TNFRSF10A: variants seen among roughly 807,000 people sequenced by gnomAD.
The protein encoded by TNFRSF10A is tumor necrosis factor receptor superfamily member 10A.
TNFRSF10A carries 44 observed loss-of-function variants against 42.8 expected under a neutral mutation model. The observed-to-expected ratio is 1.03, with a 90% confidence interval of 0.81 to 1.32. The LOEUF (loss-of-function observed/expected upper bound fraction) is 1.32, where lower values mean the gene tolerates loss of function less well. Among genes scored for constraint, TNFRSF10A ranks in the 40% most tolerant of loss-of-function variants. TNFRSF10A has a pLI of 0.00. For synonymous variants in TNFRSF10A, 259 were observed against 234.2 expected (o/e 1.11, Z -0.97); for missense variants, 680 against 602.0 (o/e 1.13, Z -1.36).
chr8:23,192,875 G>A (rs1040811974), intron 9 of TNFRSF10A, among the ~76,000 whole-genome samples: 2 of 152,042 alleles, frequency 1.3e-5, no homozygotes, highest in Non-Finnish European at 2.9e-5. Flanking sequence ...ACTTCCTCAG[G>A]AAAGACCTGC....
At chr8:23,224,521 T>G in intron 1 of TNFRSF10A, 1 of 546,894 alleles carries the variant, frequency 1.8e-6, no homozygotes, top group Non-Finnish European at 3.2e-6. Context: ...CGGGGTGGAG[T>G]CCCCGGGCCC....
rs778307119 is a variant in TNFRSF10A at position 23,201,840 on chromosome 8, A to G, written c.597T>C (p.Asn199=). ...QCKPGTFRND[N]SAEMCRKCSR... ...TGCACTTCCGGCACATCTCAGCAGA[A>G]TTGTCATTCCGGAAAGTTCCTGGTT... The change falls in exon 4 of 10, where the codon AAT becomes AAC. Residue 199 remains asparagine (N), a synonymous_variant. Transcript: ENST00000221132. 5 of 1,614,144 alleles carry G rather than the reference A, an allele frequency of 3.1e-6. 1 individual carries two copies. The South Asian group carries it at 5.5e-5, about 18-fold the overall frequency.
At chr8:23,216,985 G>C (rs531375882) in intron 1 of TNFRSF10A, among the ~76,000 whole-genome samples, 1 of 152,154 alleles carries the variant, frequency 6.6e-6, no homozygotes, top group Non-Finnish European at 1.5e-5. Context: ...TCATAGAAGA[G>C]AAGGAATCTC....
chr8:23,196,991 G>T (rs534756535), intron 9 of TNFRSF10A, 141 bp downstream of exon 9: 25 of 1,059,766 alleles, frequency 2.4e-5, no homozygotes, highest in South Asian at 2.0e-4. Context: ...ACAATTTAGG[G>T]TCTTGATGGT....
chr8:23,222,860 T>G lies in TNFRSF10A; in HGVS notation c.306+1896A>C, dbSNP rs565820375. 1.4e-4 allele frequency among the ~76,000 whole-genome samples: 22 copies of G among 151,782 alleles called. No homozygotes were observed. The South Asian group carries it at 4.2e-3, about 29-fold the overall frequency. ...TGAACCTGGCCCCTCCCCGTCTCCC[T>G]TCCGGATCTCATCCCCCTCCTCCTG... On this transcript the variant is annotated intron_variant, in intron 1 of 9. Transcript: ENST00000221132.
chr8:23,194,583 A>C (rs946170527), intron 9 of TNFRSF10A, among the ~76,000 whole-genome samples: 1 of 152,216 alleles, frequency 6.6e-6, no homozygotes. Flanking sequence ...AAAACAGCTG[A>C]GTCTTCTGAC....
chr8:23,213,835 T>G (rs999927303), intron 1 of TNFRSF10A, among the ~76,000 whole-genome samples: 1 of 152,252 alleles, frequency 6.6e-6, no homozygotes, highest in Non-Finnish European at 1.5e-5. Context: ...GCTATCATTT[T>G]CCATTATAAC....
chr8:23,200,960 G>A (rs924565626), intron 4 of TNFRSF10A, among the ~76,000 whole-genome samples, 200 bp from the exon 5 acceptor site: 7 of 152,276 alleles, frequency 4.6e-5, no homozygotes, highest in Middle Eastern at 3.4e-3. Flanking sequence ...TTACCCCCTT[G>A]GCCTCCCTGC....
At chr8:23,206,264 T>A (rs573268743) in intron 2 of TNFRSF10A, among the ~76,000 whole-genome samples, 4 of 152,286 alleles carry the variant, frequency 2.6e-5, no homozygotes, top group African/African-American at 9.6e-5. Flanking sequence ...TTTACAGATT[T>A]GGTGTAGCCT....
intron 2 of TNFRSF10A, among the ~76,000 whole-genome samples, chr8:23,209,595 T>C (rs1033789967): frequency 1.3e-5 from 2 of 152,250 alleles, no homozygotes; most frequent in Non-Finnish European, 2.9e-5. Context: ...GAGATCATTT[T>C]GGAGCTTTAA....
intron 9 of TNFRSF10A, among the ~76,000 whole-genome samples, chr8:23,192,603 C>T (rs1159457407): frequency 6.6e-5 from 10 of 152,180 alleles, no homozygotes; most frequent in African/African-American, 2.4e-4. Flanking sequence ...AAGCACTGCA[C>T]ACCACCATCC....
chr8:23,224,783 C>A lies in TNFRSF10A; in HGVS notation c.279G>T (p.Lys93Asn). ...SPRLRVHKTF[K>N]FVVVGVLLQV... Reference sequence around the variant, plus strand: ...GCAGCAGGACCCCGACGACGACAAACTTGAAGGTCTTGTGGACCCGGAGCC... The same window carrying A: ...GCAGCAGGACCCCGACGACGACAAAATTGAAGGTCTTGTGGACCCGGAGCC... The change falls in exon 1 of 10, where the codon AAG (lysine) becomes AAT (asparagine). Residue 93 changes from lysine (K) to asparagine (N), a missense_variant. Physicochemically the swap from Lys to Asn is moderately conservative, Grantham distance 94. Coordinates refer to ENST00000221132, the MANE Select transcript of TNFRSF10A (RefSeq NM_003844.4). The A allele has an allele frequency of 6.4e-7, 1 of 1,569,444 alleles. No individual in the cohort carries two copies. The highest frequency in any genetic ancestry group is 1.9e-5 in the Admixed American group (1 of 52,580).
chr8:23,202,500 A>AT, intron 3 of TNFRSF10A, 148 bp downstream of exon 3: 1 of 625,178 alleles, frequency 1.6e-6, no homozygotes, highest in Non-Finnish European at 2.9e-6. Flanking sequence ...TTTCTGTTTC[A>AT]TTTTATGGAC....
At chr8:23,198,620 GA>G (rs139347983) in intron 8 of TNFRSF10A, among the ~76,000 whole-genome samples, 1 of 149,942 alleles carries the variant, frequency 6.7e-6, no homozygotes, top group Non-Finnish European at 1.5e-5. Context: ...GCAAAAAAAA[GA>G]AAAAAAAAGA....
chr8:23,195,429 T>C (rs1265798835), intron 9 of TNFRSF10A, among the ~76,000 whole-genome samples: 2 of 152,268 alleles, frequency 1.3e-5, no homozygotes, highest in Non-Finnish European at 2.9e-5. Context: ...TATTTCTCTC[T>C]CTGCCTAATT....
Position 23,224,846 on chromosome 8 carries a change from G to A in TNFRSF10A, c.216C>T (p.Arg72=), listed in dbSNP as rs2128852752. 1.3e-6 allele frequency: 2 copies of A among 1,566,296 alleles called. No individual in the cohort carries two copies. Among genetic ancestry groups the A allele is most frequent in the East Asian group, 2.4e-5 (1 of 42,086 alleles). Residue 72 remains arginine, a synonymous_variant, in exon 1 of 10, where the codon CGC becomes CGT. Transcript: ENST00000221132. ...HGPSARARAG[R]APGPRPAREA... Reference sequence around the variant, plus strand: ...CCCGCGCCGGCCTGGGTCCTGGGGCGCGCCCTGCCCGGGCCCGGGCACTGG... The same window carrying A: ...CCCGCGCCGGCCTGGGTCCTGGGGCACGCCCTGCCCGGGCCCGGGCACTGG...
intron 1 of TNFRSF10A, among the ~76,000 whole-genome samples, chr8:23,215,522 C>G (rs7820585): frequency 1.4e-5 from 1 of 71,054 alleles, no homozygotes; most frequent in East Asian, 3.0e-4. Context: ...AATAGCATAA[C>G]TAAATAAATA....
intron 1 of TNFRSF10A, among the ~76,000 whole-genome samples, chr8:23,213,748 G>A (rs940865727): frequency 6.6e-6 from 1 of 151,558 alleles, no homozygotes; most frequent in Non-Finnish European, 1.5e-5. Flanking sequence ...CCAGCTGTTT[G>A]CTCTTCATTT....
At chr8:23,211,584 C>A (rs964090171) in intron 2 of TNFRSF10A, among the ~76,000 whole-genome samples, 2 of 152,010 alleles carry the variant, frequency 1.3e-5, no homozygotes, top group Admixed American at 6.6e-5. Context: ...CCAGCATAAA[C>A]AAAATAATTC....
Sources: allele counts gnomAD v4.1 joint callset (sites outside exome capture counted in the v4.1 genomes callset), GRCh38; gene constraint gnomAD v4.1.1; transcripts MANE v1.5; gene names NCBI Gene and HGNC (gene_info 2026-07-23, HGNC 2026-07-21).